The following TMEM117 variants were observed in gnomAD, a reference collection of about 807,000 sequenced individuals.
TMEM117 encodes the protein transmembrane protein 117.
Under a neutral mutation model 52.4 loss-of-function variants are expected in TMEM117, and 27 were observed. That is an observed-to-expected ratio of 0.51 (90% confidence interval 0.38 to 0.71). TMEM117 has a LOEUF of 0.71. Ranked by LOEUF, TMEM117 falls within the 30% of genes least tolerant of loss-of-function variation. The pLI is 0.00. For synonymous variants in TMEM117, 215 were observed against 206.3 expected (o/e 1.04, Z -0.36); for missense variants, 556 against 630.5 (o/e 0.88, Z 1.26).
chr12:44,020,975 G>A (rs1946446643), intron 3 of TMEM117, among the ~76,000 whole-genome samples: 1 of 152,114 alleles, frequency 6.6e-6, no homozygotes, highest in Non-Finnish European at 1.5e-5. Flanking sequence ...CTTGTAGTGT[G>A]AAATCAGGGT....
At chr12:44,029,802 C>T (rs543644026) in intron 3 of TMEM117, among the ~76,000 whole-genome samples, 69 of 152,262 alleles carry the variant, frequency 4.5e-4, no homozygotes, top group African/African-American at 1.7e-3. Flanking sequence ...ACCTGTAAGC[C>T]CACTTTTCAA....
rs547515405 is a variant in TMEM117 at position 44,287,521 on chromosome 12, C to A, written c.609-12059C>A. 1.6e-3 allele frequency among the ~76,000 whole-genome samples: 240 copies of A among 152,292 alleles called. 3 individuals are homozygous for A. The highest frequency in any genetic ancestry group is 5.4e-3 in the African/African-American group (223 of 41,548). ...ATCCATGAGGTTCCATTTTCACTGC[C>A]ATGAAATTTCCTTTTAACTGTTCCC... is the stretch of plus-strand genomic sequence containing the variant. On this transcript the variant is annotated intron_variant, in intron 5 of 7. Transcript: ENST00000266534.
intron 2 of TMEM117, among the ~76,000 whole-genome samples, chr12:43,935,659 TAA>T (rs1944940387): frequency 6.6e-6 from 1 of 152,260 alleles, no homozygotes; most frequent in Admixed American, 6.5e-5. Context: ...GTCTGGATCT[TAA>T]AAGTCATGTA....
chr12:43,896,226 T>C (rs1270910720), intron 2 of TMEM117, among the ~76,000 whole-genome samples: 1 of 152,242 alleles, frequency 6.6e-6, no homozygotes, highest in Non-Finnish European at 1.5e-5. Flanking sequence ...ACTGGAGATA[T>C]AAAGGTTCGT....
At chr12:44,040,504 G>A (rs1946779729) in intron 3 of TMEM117, among the ~76,000 whole-genome samples, 1 of 152,024 alleles carries the variant, frequency 6.6e-6, no homozygotes, top group African/African-American at 2.4e-5. Flanking sequence ...CTGGCAAACA[G>A]GCTAAAATTT....
At chr12:43,882,755 G>A (rs1413277894) in intron 2 of TMEM117, among the ~76,000 whole-genome samples, 1 of 152,174 alleles carries the variant, frequency 6.6e-6, no homozygotes, top group African/African-American at 2.4e-5. Context: ...TTGGGCAAGG[G>A]CACCTTCTGG....
intron 5 of TMEM117, among the ~76,000 whole-genome samples, chr12:44,288,992 G>A (rs1029625928): frequency 6.6e-6 from 1 of 152,062 alleles, no homozygotes; most frequent in Non-Finnish European, 1.5e-5. Context: ...CTGAAAGTTT[G>A]TACACTTCAA....
At chr12:44,140,042 C>G (rs575845486) in intron 3 of TMEM117, among the ~76,000 whole-genome samples, 17 of 152,128 alleles carry the variant, frequency 1.1e-4, no homozygotes, top group Middle Eastern at 3.4e-3. Flanking sequence ...AATGACTAGT[C>G]TTTATATATT....
intron 2 of TMEM117, among the ~76,000 whole-genome samples, chr12:43,933,800 A>G (rs1944909445): frequency 6.6e-6 from 1 of 151,996 alleles, no homozygotes; most frequent in African/African-American, 2.4e-5. Flanking sequence ...TGACCTTGTG[A>G]TCCGCCGGCT....
chr12:44,060,219 T>C (rs1947118206), intron 3 of TMEM117, among the ~76,000 whole-genome samples: 1 of 152,204 alleles, frequency 6.6e-6, no homozygotes. Flanking sequence ...CTTCTGGCAT[T>C]GTCTTTCTTT....
At chr12:44,114,362 G>T (rs1309323779) in intron 3 of TMEM117, among the ~76,000 whole-genome samples, 1 of 152,072 alleles carries the variant, frequency 6.6e-6, no homozygotes, top group Non-Finnish European at 1.5e-5. Context: ...GAAATAAAAC[G>T]ATTTTATAAC....
chr12:44,208,530 A>G (rs1420091723), intron 4 of TMEM117, among the ~76,000 whole-genome samples: 1 of 152,050 alleles, frequency 6.6e-6, no homozygotes, highest in Admixed American at 6.6e-5. Context: ...CTTGACCAAC[A>G]CCAGAAATGA....
chr12:44,269,898 C>T (rs1950425832), intron 5 of TMEM117, among the ~76,000 whole-genome samples: 3 of 151,990 alleles, frequency 2.0e-5, no homozygotes, highest in South Asian at 4.1e-4. Context: ...AAAAAGAAAT[C>T]TTAACAGTCT....
chr12:44,302,680 A>G (rs1050726201), intron 6 of TMEM117, among the ~76,000 whole-genome samples: 3 of 152,228 alleles, frequency 2.0e-5, no homozygotes, highest in African/African-American at 7.2e-5. Flanking sequence ...ATGAGGATAA[A>G]GAAGTGACAG....
chr12:43,839,919 A>G (rs1943090787), intron 1 of TMEM117, among the ~76,000 whole-genome samples: 1 of 152,202 alleles, frequency 6.6e-6, no homozygotes, highest in Non-Finnish European at 1.5e-5. Context: ...ACAGACCAAC[A>G]CTTTTGGATA....
chr12:43,890,651 C>T (rs908170406), intron 2 of TMEM117, among the ~76,000 whole-genome samples: 4 of 152,094 alleles, frequency 2.6e-5, no homozygotes, highest in African/African-American at 9.7e-5. Context: ...CCTGTCTCAG[C>T]CTCCCGAGTA....
chr12:44,316,619 G>A (rs1951057850), intron 6 of TMEM117, among the ~76,000 whole-genome samples: 1 of 152,066 alleles, frequency 6.6e-6, no homozygotes, highest in Non-Finnish European at 1.5e-5. Flanking sequence ...GTTCCTGGGT[G>A]TCTACCTCTT....
At chr12:44,136,347 GA>G (rs1490974119) in intron 3 of TMEM117, among the ~76,000 whole-genome samples, 3 of 152,080 alleles carry the variant, frequency 2.0e-5, no homozygotes, top group Non-Finnish European at 4.4e-5. Context: ...CATCAAATTA[GA>G]TTGCATATTC....
intron 5 of TMEM117, among the ~76,000 whole-genome samples, chr12:44,284,764 A>G (rs560181625): frequency 2.3e-4 from 35 of 152,374 alleles, no homozygotes; most frequent in African/African-American, 7.9e-4. Context: ...GTAATCAATA[A>G]TAAATGGCAT....
Sources: allele counts gnomAD v4.1 joint callset (sites outside exome capture counted in the v4.1 genomes callset), GRCh38; gene constraint gnomAD v4.1.1; transcripts MANE v1.5; gene names NCBI Gene and HGNC (gene_info 2026-07-23, HGNC 2026-07-21).